The following MAF variants were observed in gnomAD, a reference collection of about 807,000 sequenced individuals.
MAF encodes MAF bZIP transcription factor.
In MAF, 10 loss-of-function variants were observed where a neutral mutation model predicts 22.0. The ratio of observed to expected loss-of-function variants is 0.45; its 90% confidence interval spans 0.28 to 0.77. MAF has a LOEUF of 0.77. MAF is among the 30% of genes least tolerant of loss of function. MAF has a pLI of 0.12. For missense variants in MAF, 544 were observed against 548.4 expected (o/e 0.99, Z 0.08); for synonymous variants, 337 against 255.8 (o/e 1.32, Z -3.03).
intron 1 of MAF, chr16:79,597,834 A>G (rs1460010923): frequency 3.9e-6 from 4 of 1,025,976 alleles, no homozygotes; most frequent in South Asian, 4.6e-5. Context: ...TCTCTTTTCC[A>G]TAAAGTCTTT....
the MAF span, among the ~76,000 whole-genome samples, chr16:79,385,164 A>G: frequency 6.6e-6 from 1 of 152,380 alleles, no homozygotes; most frequent in African/African-American, 2.4e-5. Flanking sequence ...AGATGAAATA[A>G]TGATCAAGTC....
the MAF span, among the ~76,000 whole-genome samples, chr16:79,218,502 G>A: frequency 6.6e-6 from 1 of 152,242 alleles, no homozygotes; most frequent in Admixed American, 6.5e-5. Context: ...ACTGGCCTTT[G>A]CCACAGAGAG....
At chr16:79,425,548 T>C in the MAF span, among the ~76,000 whole-genome samples, 1 of 152,220 alleles carries the variant, frequency 6.6e-6, no homozygotes, top group Non-Finnish European at 1.5e-5. Flanking sequence ...GTTTAAAACA[T>C]AGTTGCTATG....
At chr16:79,204,064 T>G in the MAF span, 1 of 152,146 alleles carries the variant, frequency 6.6e-6, no homozygotes, top group East Asian at 1.9e-4. Flanking sequence ...ACACTATCAG[T>G]TAGATGCTTA....
At chr16:79,513,075 G>A in the MAF span, among the ~76,000 whole-genome samples, 1 of 152,236 alleles carries the variant, frequency 6.6e-6, no homozygotes, top group African/African-American at 2.4e-5. Context: ...AGCACCAGCA[G>A]CAATGCTGTG....
chr16:79,522,456 G>A, the MAF span, among the ~76,000 whole-genome samples: 1 of 152,196 alleles, frequency 6.6e-6, no homozygotes, highest in Middle Eastern at 3.2e-3. Context: ...GTGTGCACAA[G>A]TTGAAGGAAT....
At chr16:79,210,407 C>T in the MAF span, among the ~76,000 whole-genome samples, 3 of 152,184 alleles carry the variant, frequency 2.0e-5, no homozygotes, top group Non-Finnish European at 4.4e-5. Flanking sequence ...CTCCAGTAAG[C>T]ACCCTGCATG....
the MAF span, among the ~76,000 whole-genome samples, chr16:79,496,742 A>T: frequency 2.6e-5 from 4 of 152,322 alleles, no homozygotes; most frequent in South Asian, 8.3e-4. Context: ...GGGCTATGAA[A>T]ATAAACACAC....
At chr16:79,332,032 G>C in the MAF span, among the ~76,000 whole-genome samples, 1 of 152,166 alleles carries the variant, frequency 6.6e-6, no homozygotes, top group Non-Finnish European at 1.5e-5. Context: ...ATCTGCTCTA[G>C]GAGGGCAGAA....
the MAF span, among the ~76,000 whole-genome samples, chr16:79,419,716 A>G: frequency 6.6e-6 from 1 of 152,196 alleles, no homozygotes; most frequent in Non-Finnish European, 1.5e-5. Flanking sequence ...AATTCAGAAG[A>G]AAACCTAGAC....
At chr16:79,441,752 G>C in the MAF span, among the ~76,000 whole-genome samples, 2 of 152,130 alleles carry the variant, frequency 1.3e-5, no homozygotes, top group African/African-American at 4.8e-5. Flanking sequence ...TGGGGGGTTC[G>C]GTGACTGAAA....
the MAF span, among the ~76,000 whole-genome samples, chr16:79,580,358 A>G: frequency 6.6e-6 from 1 of 152,214 alleles, no homozygotes; most frequent in Non-Finnish European, 1.5e-5. Flanking sequence ...GGAACAGTCT[A>G]AATAACACGG....
At chr16:79,524,512 C>A in the MAF span, among the ~76,000 whole-genome samples, 1 of 152,214 alleles carries the variant, frequency 6.6e-6, no homozygotes, top group African/African-American at 2.4e-5. Flanking sequence ...CATTCATCAG[C>A]AATTTTGAGG....
the MAF span, among the ~76,000 whole-genome samples, chr16:79,376,968 G>A: frequency 6.6e-6 from 1 of 152,160 alleles, no homozygotes; most frequent in Non-Finnish European, 1.5e-5. Context: ...GTTGTGAATA[G>A]TGCCACAATA....
At chr16:79,438,116 G>T in the MAF span, among the ~76,000 whole-genome samples, 2 of 152,208 alleles carry the variant, frequency 1.3e-5, no homozygotes, top group East Asian at 1.9e-4. Flanking sequence ...CGTGGCGTTG[G>T]GGGGGCAGGG....
the MAF span, among the ~76,000 whole-genome samples, chr16:79,311,816 T>A: frequency 2.0e-5 from 3 of 152,128 alleles, no homozygotes; most frequent in African/African-American, 4.8e-5. Context: ...CTGAAAGTGG[T>A]CGGCACTTCT....
chr16:79,340,030 T>A, the MAF span, among the ~76,000 whole-genome samples: 1 of 152,212 alleles, frequency 6.6e-6, no homozygotes, highest in Non-Finnish European at 1.5e-5. Context: ...TTTGATGGAC[T>A]GCAGCGTGGA....
the MAF span, among the ~76,000 whole-genome samples, chr16:79,309,145 C>T: frequency 0.047 from 7,198 of 152,156 alleles, 810 homozygotes; most frequent in East Asian, 0.34. Flanking sequence ...GCCTTGGATA[C>T]AGGGGTGCTC....
At chr16:79,243,114 G>A in the MAF span, among the ~76,000 whole-genome samples, 5 of 151,754 alleles carry the variant, frequency 3.3e-5, no homozygotes, top group African/African-American at 4.8e-5. Flanking sequence ...ATCTAAAATC[G>A]ACACCCTAAC....
Sources: gnomAD v4.1 joint callset for allele counts (sites outside exome capture counted in the v4.1 genomes callset) on GRCh38, gnomAD v4.1.1 for gene constraint, MANE v1.5 for transcripts, NCBI Gene and HGNC (gene_info 2026-07-23, HGNC 2026-07-21) for gene names.